ARHGAP10: variants seen among roughly 807,000 people sequenced by gnomAD.
ARHGAP10 encodes the protein rho GTPase-activating protein 10.
A neutral mutation model predicts 108.6 loss-of-function variants in ARHGAP10; 87 were observed. That is an observed-to-expected ratio of 0.80 (90% CI 0.67 to 0.96). ARHGAP10 has a LOEUF of 0.96. Ranked by LOEUF, ARHGAP10 falls within the 40% of genes least tolerant of loss-of-function variation. ARHGAP10 has a pLI of 0.00. For synonymous variants in ARHGAP10, 347 were observed against 341.1 expected (o/e 1.02, Z -0.19); for missense variants, 939 against 954.5 (o/e 0.98, Z 0.21).
chr4:147,835,118 A>T (rs1004926834), intron 3 of ARHGAP10, among the ~76,000 whole-genome samples: 2 of 152,142 alleles, frequency 1.3e-5, no homozygotes, highest in African/African-American at 4.8e-5. Context: ...AAATATTTTG[A>T]GTGCCTACTA....
At chr4:147,874,356 C>T (rs1433164936) in intron 7 of ARHGAP10, among the ~76,000 whole-genome samples, 4 of 152,162 alleles carry the variant, frequency 2.6e-5, no homozygotes, top group African/African-American at 9.7e-5. Context: ...TATATGTTTT[C>T]GGTGTAGCCG....
intron 1 of ARHGAP10, among the ~76,000 whole-genome samples, chr4:147,766,657 C>T (rs979250169): frequency 3.6e-5 from 5 of 139,540 alleles, no homozygotes; most frequent in African/African-American, 7.8e-5. Context: ...CACCCACACA[C>T]ACCCACACAC....
At chr4:147,850,500 C>T (rs995671568) in intron 4 of ARHGAP10, among the ~76,000 whole-genome samples, 1 of 152,154 alleles carries the variant, frequency 6.6e-6, no homozygotes, top group Non-Finnish European at 1.5e-5. Flanking sequence ...GAGGAACAGA[C>T]AACTCTCTAT....
intron 10 of ARHGAP10, among the ~76,000 whole-genome samples, chr4:147,888,822 G>T (rs1735676963): frequency 6.6e-6 from 1 of 152,202 alleles, no homozygotes; most frequent in African/African-American, 2.4e-5. Flanking sequence ...GGCAGAAGGT[G>T]AATGTACTTT....
intron 22 of ARHGAP10, among the ~76,000 whole-genome samples, chr4:148,069,218 C>A (rs986149413): frequency 6.6e-6 from 1 of 152,180 alleles, no homozygotes. Context: ...ACTGCGGAGC[C>A]ACTTTTCCTG....
At chr4:147,836,788 A>G (rs1259468136) in intron 3 of ARHGAP10, among the ~76,000 whole-genome samples, 2 of 151,586 alleles carry the variant, frequency 1.3e-5, no homozygotes, top group Non-Finnish European at 2.9e-5. Context: ...ATAAAATACC[A>G]TACTGGGATT....
chr4:147,960,121 G>T (rs1418925254), intron 16 of ARHGAP10, among the ~76,000 whole-genome samples: 1 of 152,068 alleles, frequency 6.6e-6, no homozygotes, highest in Non-Finnish European at 1.5e-5. Context: ...TTTCTCTAGT[G>T]TTGATTAGTA....
intron 15 of ARHGAP10, among the ~76,000 whole-genome samples, chr4:147,950,436 G>A (rs1738555011): frequency 6.6e-6 from 1 of 152,164 alleles, no homozygotes; most frequent in South Asian, 2.1e-4. Context: ...CAGGGTTGGA[G>A]CCCCAGCTCT....
chr4:147,927,584 A>T (rs1324076312), intron 13 of ARHGAP10, among the ~76,000 whole-genome samples: 1 of 152,222 alleles, frequency 6.6e-6, no homozygotes. Context: ...ATGTGGTATC[A>T]GAGGCCAGAA....
intron 10 of ARHGAP10, among the ~76,000 whole-genome samples, chr4:147,898,470 GC>G (rs1736088602): frequency 2.2e-5 from 3 of 138,486 alleles, no homozygotes; most frequent in African/African-American, 8.1e-5. Context: ...TTTTTTTTTT[GC>G]CTTGCCCAGG....
intron 18 of ARHGAP10, among the ~76,000 whole-genome samples, chr4:147,972,503 G>A (rs758899239): frequency 6.6e-6 from 1 of 152,120 alleles, no homozygotes. Context: ...AACTGAGATT[G>A]ACCCCCAAAG....
At chr4:147,832,666 G>GAAAAAAAAA (rs1165230059) in intron 3 of ARHGAP10, among the ~76,000 whole-genome samples, 14 of 45,802 alleles carry the variant, frequency 3.1e-4, no homozygotes, top group Non-Finnish European at 4.5e-4. Flanking sequence ...AAAAAAAAAG[G>GAAAAAAAAA]AAATTGGAGC....
At chr4:147,743,381 AC>A (rs1467762731) in intron 1 of ARHGAP10, among the ~76,000 whole-genome samples, 2 of 152,114 alleles carry the variant, frequency 1.3e-5, no homozygotes, top group East Asian at 3.8e-4. Flanking sequence ...AGCACAGCAA[AC>A]ATACTAAAAT....
intron 18 of ARHGAP10, among the ~76,000 whole-genome samples, chr4:148,008,594 G>A (rs1184612382): frequency 6.6e-6 from 1 of 151,824 alleles, no homozygotes; most frequent in Non-Finnish European, 1.5e-5. Context: ...TGCTAATAGT[G>A]CTGAGATTGA....
intron 15 of ARHGAP10, among the ~76,000 whole-genome samples, chr4:147,948,593 G>A (rs1738475645): frequency 1.3e-5 from 2 of 152,230 alleles, no homozygotes; most frequent in African/African-American, 4.8e-5. Context: ...CTTTAGCCAT[G>A]CTGTGTCCTG....
intron 11 of ARHGAP10, among the ~76,000 whole-genome samples, chr4:147,909,165 T>A (rs1028202145): frequency 6.6e-6 from 1 of 152,198 alleles, no homozygotes; most frequent in African/African-American, 2.4e-5. Context: ...GAAATACTTA[T>A]ATTTAGTAGT....
intron 15 of ARHGAP10, among the ~76,000 whole-genome samples, chr4:147,954,503 G>T (rs1191060413): frequency 6.6e-6 from 1 of 151,528 alleles, no homozygotes; most frequent in Non-Finnish European, 1.5e-5. Flanking sequence ...AATTTTGTTT[G>T]TGCATCTTTG....
chr4:147,824,338 G>T (rs919815331), intron 3 of ARHGAP10, among the ~76,000 whole-genome samples: 2 of 151,068 alleles, frequency 1.3e-5, no homozygotes, highest in Admixed American at 6.6e-5. Context: ...AAAAAAATAC[G>T]GATTCTTTTT....
At chr4:148,037,529 C>A (rs924197453) in intron 19 of ARHGAP10, among the ~76,000 whole-genome samples, 2 of 152,100 alleles carry the variant, frequency 1.3e-5, no homozygotes, top group Admixed American at 6.6e-5. Flanking sequence ...TTCCCAGGCA[C>A]TAGATCATTA....
Sources: allele counts gnomAD v4.1 joint callset (sites outside exome capture counted in the v4.1 genomes callset), GRCh38; gene constraint gnomAD v4.1.1; transcripts MANE v1.5; gene names NCBI Gene and HGNC (gene_info 2026-07-23, HGNC 2026-07-21).